The following NEBL variants were observed in gnomAD, a reference collection of about 807,000 sequenced individuals.
The protein encoded by NEBL is LIM and SH3 protein 2.
NEBL carries 122 observed loss-of-function variants against 140.2 expected under a neutral mutation model. The ratio of observed to expected loss-of-function variants is 0.87; its 90% CI spans 0.75 to 1.01. The LOEUF is 1.01. Among genes scored for constraint, NEBL ranks in the 50% least tolerant of loss-of-function variants. NEBL has a pLI of 0.00. For missense variants in NEBL, 1,365 were observed against 1,231.3 expected, an observed-to-expected ratio of 1.11 and a Z score of -1.62; for synonymous variants, 436 against 398.9, an observed-to-expected ratio of 1.09 and a Z score of -1.11.
intron 2 of NEBL, among the ~76,000 whole-genome samples, chr10:21,067,081 C>T (rs566707028): frequency 1.6e-4 from 24 of 150,696 alleles, no homozygotes; most frequent in Admixed American, 4.7e-4. Flanking sequence ...CACGCCATTC[C>T]CCTGCCTCAG....
rs761381479 is a variant in NEBL, at chr10:20,850,511, G to T, written c.1009-9C>A. ...TCTTCTTTATATTTCACCTTCATTG[G>T]AAAAAGAAAAGCATATACAAATCGA... On this transcript the variant is annotated splice_polypyrimidine_tract_variant and intron_variant, in intron 10 of 27. Transcript: ENST00000377122. 2 of 1,544,140 alleles carry T rather than the reference G, an allele frequency of 1.3e-6. No homozygotes were observed. The highest frequency in any genetic ancestry group is 8.9e-7 in the Non-Finnish European group (1 of 1,117,826).
At chr10:21,241,324 G>A (rs535027010) in intron 3 of NEBL, among the ~76,000 whole-genome samples, 2 of 152,070 alleles carry the variant, frequency 1.3e-5, no homozygotes, top group Non-Finnish European at 2.9e-5. Context: ...GAGCCAGCCT[G>A]AGCCAGGCCA....
At chr10:20,975,196 A>G (rs575005666) in intron 3 of NEBL, among the ~76,000 whole-genome samples, 1 of 152,356 alleles carries the variant, frequency 6.6e-6, no homozygotes, top group Non-Finnish European at 1.5e-5. Flanking sequence ...ATGTAGATAT[A>G]AAGAACTGGA....
Position 21,151,227 on chromosome 10 carries a change from T to C in NEBL, c.164+21156A>G, listed in dbSNP as rs1840122758. Reference sequence around the variant, plus strand: ...TTTGCACATATAGCAACGCACACCATGTAATTCACCCTGCTTCAGTCAACA... The same window carrying C: ...TTTGCACATATAGCAACGCACACCACGTAATTCACCCTGCTTCAGTCAACA... On this transcript the variant is annotated intron_variant, in intron 2 of 6. Transcript: ENST00000417816. Among the ~76,000 whole-genome samples, 6 of 152,192 alleles carry C rather than the reference T, an allele frequency of 3.9e-5. No individual in the cohort carries two copies. The South Asian group carries it at 8.3e-4, about 21-fold the overall frequency.
intron 2 of NEBL, chr10:21,070,026 G>A: frequency 2.2e-6 from 1 of 456,130 alleles, no homozygotes; most frequent in Non-Finnish European, 4.4e-6. Flanking sequence ...CTGATTTGCA[G>A]CACACGGTGT....
At chr10:20,888,549 G>A (rs1846737573) in intron 3 of NEBL, among the ~76,000 whole-genome samples, 1 of 152,238 alleles carries the variant, frequency 6.6e-6, no homozygotes, top group Non-Finnish European at 1.5e-5. Flanking sequence ...GAAAATGCAA[G>A]TCGTTAGAAT....
At chr10:20,835,456 C>A in intron 14 of NEBL, 57 bp downstream of exon 14, 2 of 1,276,574 alleles carry the variant, frequency 1.6e-6, no homozygotes, top group Non-Finnish European at 2.3e-6. Flanking sequence ...GTTGCTAATA[C>A]GATTTGTTAG....
intron 2 of NEBL, among the ~76,000 whole-genome samples, chr10:21,070,426 T>C (rs1222287425): frequency 6.6e-6 from 1 of 152,206 alleles, no homozygotes. Flanking sequence ...CTCAATAATA[T>C]ATCACGTATG....
chr10:21,255,904 C>T (rs1346621623), intron 1 of NEBL, among the ~76,000 whole-genome samples: 1 of 151,554 alleles, frequency 6.6e-6, no homozygotes, highest in African/African-American at 2.4e-5. Flanking sequence ...ATTGCTTGAG[C>T]CCGGGAGGCA....
chr10:21,142,204 T>C (rs990089744), intron 2 of NEBL, among the ~76,000 whole-genome samples: 1 of 152,200 alleles, frequency 6.6e-6, no homozygotes, highest in African/African-American at 2.4e-5. Flanking sequence ...ACTTAAAATA[T>C]GCCAGCCTTT....
intron 4 of NEBL, among the ~76,000 whole-genome samples, chr10:20,902,814 A>G (rs1847927888): frequency 6.6e-6 from 1 of 152,054 alleles, no homozygotes; most frequent in Admixed American, 6.6e-5. Flanking sequence ...ACCCAGAACC[A>G]AAGGGTCAGG....
chr10:21,241,621 G>A (rs192330130), intron 3 of NEBL, among the ~76,000 whole-genome samples: 41 of 152,106 alleles, frequency 2.7e-4, no homozygotes, highest in Non-Finnish European at 5.1e-4. Flanking sequence ...ATTTGCTACA[G>A]GCTGAAAAAG....
At chr10:21,046,780 T>G (rs1454023708) in intron 2 of NEBL, among the ~76,000 whole-genome samples, 1 of 152,130 alleles carries the variant, frequency 6.6e-6, no homozygotes, top group Non-Finnish European at 1.5e-5. Flanking sequence ...TTTTTTATAT[T>G]GTTAGTAGAG....
intron 3 of NEBL, among the ~76,000 whole-genome samples, chr10:21,223,756 G>A (rs1842106091): frequency 6.6e-6 from 1 of 152,154 alleles, no homozygotes; most frequent in South Asian, 2.1e-4. Context: ...ATATCTCATT[G>A]TAGTTTTGAT....
At chr10:21,053,334 T>G (rs1196688418) in intron 2 of NEBL, among the ~76,000 whole-genome samples, 2 of 152,178 alleles carry the variant, frequency 1.3e-5, no homozygotes, top group East Asian at 3.9e-4. Flanking sequence ...CTTCCCACTC[T>G]TTTAAAATCC....
At chr10:20,939,089 A>G (rs1052736345) in intron 4 of NEBL, among the ~76,000 whole-genome samples, 2 of 152,162 alleles carry the variant, frequency 1.3e-5, no homozygotes, top group Non-Finnish European at 1.5e-5. Context: ...TACAGAGAAC[A>G]CCACAAAGAT....
chr10:20,965,305 G>T (rs1291720887), intron 3 of NEBL, among the ~76,000 whole-genome samples: 1 of 152,224 alleles, frequency 6.6e-6, no homozygotes, highest in Non-Finnish European at 1.5e-5. Flanking sequence ...CGCTAAGAGA[G>T]AAAAATAGCG....
At chr10:21,263,942 G>A (rs1336919149) in intron 1 of NEBL, among the ~76,000 whole-genome samples, 1 of 152,148 alleles carries the variant, frequency 6.6e-6, no homozygotes. Context: ...TCCAGCCTGG[G>A]CAATAACAGT....
At chr10:21,254,808 C>T (rs1013661818) in intron 1 of NEBL, among the ~76,000 whole-genome samples, 4 of 152,038 alleles carry the variant, frequency 2.6e-5, no homozygotes, top group Non-Finnish European at 4.4e-5. Context: ...CCTGTCTGGA[C>T]TTCACATACC....
Sources: allele counts gnomAD v4.1 joint callset (sites outside exome capture counted in the v4.1 genomes callset), GRCh38; gene constraint gnomAD v4.1.1; transcripts MANE v1.5; gene names NCBI Gene and HGNC (gene_info 2026-07-23, HGNC 2026-07-21).